Variants in STAB1 observed in about 807,000 individuals in gnomAD.
The protein encoded by STAB1 is stabilin-1.
A neutral mutation model predicts 332.4 loss-of-function variants in STAB1; 250 were observed. That is an observed-to-expected ratio of 0.75 (90% CI 0.68 to 0.84). STAB1 has a LOEUF of 0.84. Ranked by LOEUF, STAB1 falls within the 40% of genes least tolerant of loss-of-function variation. The pLI, the probability that STAB1 is intolerant of heterozygous loss-of-function variation, is 0.00. For missense variants in STAB1, 3,249 were observed against 3,489.7 expected, an observed-to-expected ratio of 0.93 and a Z score of 1.74; for synonymous variants, 1,475 against 1,390.4, an observed-to-expected ratio of 1.06 and a Z score of -1.35.
intron 19 of STAB1, 110 bp from the exon 20 acceptor site, chr3:52,507,821 G>A: frequency 6.9e-7 from 1 of 1,450,794 alleles, no homozygotes; most frequent in Non-Finnish European, 9.6e-7. Context: ...CACTGGACCA[G>A]GGTTAGAGTT....
Position 52,521,478 on chromosome 3 carries a change from G to C in STAB1, c.6026G>C (p.Cys2009Ser), listed in dbSNP as rs911526487. Residue 2009 changes from cysteine (C) to serine (S), a missense_variant, in exon 56 of 69, where the codon TGT becomes TCT. Coordinates refer to ENST00000321725, the MANE Select transcript of STAB1 (RefSeq NM_015136.3). ...SGFAGTACEL[C>S]APGAFGPHCQ... ...TTTGCTGGGACAGCCTGTGAACTCTGTGCTCCTGGTGCCTTTGGGCCCCAT... is the reference window on the plus strand; with the variant it reads ...TTTGCTGGGACAGCCTGTGAACTCTCTGCTCCTGGTGCCTTTGGGCCCCAT... The C allele has an allele frequency of 1.2e-6, 2 of 1,613,878 alleles. No individual in the cohort carries two copies. The highest frequency in any genetic ancestry group is 2.7e-5 in the African/African-American group (2 of 74,930).
Position 52,522,098 on chromosome 3 carries a change from AG to A in STAB1, c.6335del (p.Gly2112GlufsTer40). 6.2e-7 allele frequency: 1 copy of A among 1,613,140 alleles called. No individual in the cohort carries two copies. Among genetic ancestry groups the A allele is most frequent in the Non-Finnish European group, 8.5e-7 (1 of 1,179,998 alleles). On this transcript the variant is annotated frameshift_variant, in exon 59 of 69. Transcript: ENST00000321725. LOFTEE classifies it high-confidence loss of function. ...GTGAGCACGCCAACTGTAGCCAGGT[AG>A]GAACAATGGTCACTTGTACCTGCCT... ...CSEHANCSQV[G>X]TMVTCTCLPD...
intron 1 of STAB1, among the ~76,000 whole-genome samples, chr3:52,500,668 G>C (rs906948323): frequency 2.0e-5 from 3 of 152,246 alleles, no homozygotes; most frequent in Non-Finnish European, 4.4e-5. Flanking sequence ...TCCCAAGACA[G>C]CATCAGCTCT....
At position 52,509,917 on chromosome 3, in the gene STAB1, G is replaced by C. The variant is rs1709169253; in HGVS notation, c.2395G>C (p.Gly799Arg). 1.9e-6 allele frequency: 3 copies of C among 1,613,078 alleles called. No homozygotes were observed. In the East Asian group the frequency reaches 6.7e-5, roughly 36 times the overall value. ...CTGCGACAACCGCCCAGGCAGTGGGGGGGTGTGCCAGCAGGGCACGTGTGC... is the reference window on the plus strand; with the variant it reads ...CTGCGACAACCGCCCAGGCAGTGGGCGGGTGTGCCAGCAGGGCACGTGTGC... ...GLCDNRPGSG[G>R]VCQQGTCAPG... The change falls in exon 23 of 69, where the codon GGG becomes CGG. Residue 799 changes from glycine (G) to arginine (R), a missense_variant. Gly to Arg is a moderately radical substitution (Grantham distance 125). Coordinates refer to ENST00000321725, the MANE Select transcript of STAB1 (RefSeq NM_015136.3).
Position 52,516,172 on chromosome 3 carries a change from G to A in STAB1, c.4078G>A (p.Glu1360Lys), listed in dbSNP as rs1407634558. 4 of 1,612,390 alleles carry A rather than the reference G, an allele frequency of 2.5e-6. No homozygotes were observed. Among genetic ancestry groups the A allele is most frequent in the East Asian group, 4.5e-5 (2 of 44,878 alleles). ...GGGCAGCGGGGAGTGCCACTGCCAC[G>A]AGGGCTTCCATGGAACGGCCTGTGA... ...FLGSGECHCH[E>K]GFHGTACEVC... is the part of the protein sequence containing the mutation. The change falls in exon 38 of 69, where the codon GAG (glutamate) becomes AAG (lysine). Residue 1360 changes from glutamate (E) to lysine (K), a missense_variant. Transcript: ENST00000321725.
intron 25 of STAB1, 87 bp downstream of exon 25, chr3:52,510,594 T>C (rs1709227367): frequency 2.0e-6 from 3 of 1,503,140 alleles, no homozygotes; most frequent in Non-Finnish European, 2.7e-6. Flanking sequence ...CAGAGTCAGG[T>C]GCTCAGGGTC....
At chr3:52,502,538 C>A in intron 5 of STAB1, 94 bp from the exon 6 acceptor site, 1 of 1,165,378 alleles carries the variant, frequency 8.6e-7, no homozygotes, top group Non-Finnish European at 1.3e-6. Context: ...CCTGCCCGAG[C>A]TGAGTTCTAA....
At position 52,520,306 on chromosome 3, in the gene STAB1, G is replaced by C. The variant is rs770735759; in HGVS notation, c.5499+16G>C. On this transcript the variant is annotated intron_variant, in intron 52 of 68. Transcript: ENST00000321725. ...AACGCGGGCCGTGAGTCTGGGGAGA[G>C]GGCTTGGATGAAGGGAGTAGGAGGC... 2.5e-5 allele frequency: 41 copies of C among 1,612,894 alleles called. No homozygotes were observed. The Admixed American group carries it at 5.3e-4, about 21-fold the overall frequency.
At chr3:52,506,383 G>A in intron 17 of STAB1, 133 bp downstream of exon 17, 2 of 859,148 alleles carry the variant, frequency 2.3e-6, no homozygotes, top group Non-Finnish European at 3.8e-6. Flanking sequence ...TCATGGGGAA[G>A]GAAGCAGGCA....
Position 52,520,923 on chromosome 3 carries a change from G to GGGCA in STAB1, c.5829_5832dup (p.Gly1945GlnfsTer24). ...GCCTTTGGGGTAGGCCCCAAGGCCT[G>GGGCA]GGCAGGGGCTGCCACCGCAATTGTG... On this transcript the variant is annotated frameshift_variant, in exon 55 of 69. Transcript: ENST00000321725. LOFTEE classifies it high-confidence loss of function. 6.3e-7 allele frequency: 1 copy of GGGCA among 1,598,094 alleles called. No homozygotes were observed. Among genetic ancestry groups the GGGCA allele is most frequent in the Non-Finnish European group, 8.5e-7 (1 of 1,172,210 alleles).
At chr3:52,504,298 G>T (rs1022071818) in intron 10 of STAB1, 143 bp downstream of exon 10, 1 of 1,441,546 alleles carries the variant, frequency 6.9e-7, no homozygotes, top group Non-Finnish European at 9.3e-7. Flanking sequence ...GTGCATGCAG[G>T]GGGTGGGAGC....
intron 37 of STAB1, among the ~76,000 whole-genome samples, chr3:52,515,806 A>G (rs1441744759): frequency 2.0e-5 from 3 of 152,066 alleles, no homozygotes; most frequent in African/African-American, 7.2e-5. Flanking sequence ...TTGGCCCCTC[A>G]CTGTGGGATC....
In STAB1 at chr3:52,520,232, G is replaced by A. The variant is rs1370498923; in HGVS notation, c.5441G>A (p.Gly1814Asp). 6 of 1,613,118 alleles carry A rather than the reference G, an allele frequency of 3.7e-6. No individual in the cohort carries two copies. The highest frequency in any genetic ancestry group is 5.1e-6 in the Non-Finnish European group (6 of 1,180,034). Residue 1814 changes from glycine to aspartate, a missense_variant, in exon 52 of 69, where the codon GGC (glycine) becomes GAC (aspartate). By Grantham distance (94) the Gly-to-Asp change is moderately conservative. Transcript: ENST00000321725. Reference sequence around the variant, plus strand: ...TTGGCATCTGACCTGCCCAACCTGGGCCCACTTCGAACCATGCATGGGACC... The same window carrying A: ...TTGGCATCTGACCTGCCCAACCTGGACCCACTTCGAACCATGCATGGGACC... ...EALASDLPNL[G>D]PLRTMHGTPI...
chr3:52,524,085 C>A lies in STAB1; in HGVS notation c.7543-15C>A, dbSNP rs761414695. 5 of 1,613,300 alleles carry A rather than the reference C, an allele frequency of 3.1e-6. No individual in the cohort carries two copies. In the Admixed American group the frequency reaches 8.3e-5, roughly 27 times the overall value. On this transcript the variant is annotated splice_polypyrimidine_tract_variant and intron_variant, in intron 67 of 68. Coordinates refer to ENST00000321725, the MANE Select transcript of STAB1 (RefSeq NM_015136.3). Reference sequence around the variant, plus strand: ...GCTTGAGGCGCCTCGCCACTCACCCCTCTGCTGCTCCCAGGCGGAAGATGA... The same window carrying A: ...GCTTGAGGCGCCTCGCCACTCACCCATCTGCTGCTCCCAGGCGGAAGATGA...
chr3:52,521,668 G>A lies in STAB1; in HGVS notation c.6131G>A (p.Gly2044Asp), dbSNP rs745641812. 16 of 1,612,886 alleles carry A rather than the reference G, an allele frequency of 9.9e-6. No homozygotes were observed. The highest frequency in any genetic ancestry group is 3.3e-5 in the Admixed American group (2 of 59,946). Residue 2044 changes from glycine to aspartate, a missense_variant, in exon 57 of 69, where the codon GGC becomes GAC. Coordinates refer to ENST00000321725, the MANE Select transcript of STAB1 (RefSeq NM_015136.3). ...GGSGSCFCDE[G>D]WTGPRCEVQL... The stretch of plus-strand genomic sequence containing the variant: ...TCTGGCTCCTGCTTCTGTGATGAAG[G>A]CTGGACTGGGCCACGCTGTGAGGTG...
At chr3:52,513,052 G>A in intron 29 of STAB1, 78 bp from the exon 30 acceptor site, 6 of 1,557,486 alleles carry the variant, frequency 3.9e-6, no homozygotes, top group Admixed American at 2.0e-5. Context: ...CTCACCCCTT[G>A]GGGTGGGCCC....
At chr3:52,503,192 T>C (rs1188902107) in intron 7 of STAB1, 83 bp downstream of exon 7, 17 of 1,505,346 alleles carry the variant, frequency 1.1e-5, no homozygotes, top group Non-Finnish European at 1.4e-5. Flanking sequence ...GCAAGTGCAA[T>C]GTAATTCACA....
chr3:52,518,294 T>TG lies in STAB1; in HGVS notation c.4762-17dup. 6.2e-7 allele frequency: 1 copy of TG among 1,612,334 alleles called. No homozygotes were observed. On this transcript the variant is annotated splice_polypyrimidine_tract_variant and intron_variant, in intron 45 of 68. Transcript: ENST00000321725. Reference sequence around the variant, plus strand: ...AATGGGGGCCGCCCCAAATCTGAGCTGACCCTCGCCCCCCCAGGAGCTCCT... The same window carrying TG: ...AATGGGGGCCGCCCCAAATCTGAGCTGGACCCTCGCCCCCCCAGGAGCTCCT...
In STAB1 at chr3:52,516,430, C is replaced by T; in HGVS notation, c.4219C>T (p.Gln1407Ter). ...AAGCTGTGTCTGTAACGTGGGCTGGCAGGGCCTCCGCTGTGACCAGAGTGA... is the reference window on the plus strand; with the variant it reads ...AAGCTGTGTCTGTAACGTGGGCTGGTAGGGCCTCCGCTGTGACCAGAGTGA... ...DGSCVCNVGW[Q>*]GLRCDQKITS... The change falls in exon 39 of 69, where the codon CAG becomes TAG. Residue 1407 changes from glutamine to a stop codon, truncating the protein, a stop_gained. Transcript: ENST00000321725. LOFTEE classifies it high-confidence loss of function. The T allele has an allele frequency of 1.9e-6, 3 of 1,612,138 alleles. No individual in the cohort carries two copies. The highest frequency in any genetic ancestry group is 2.5e-6 in the Non-Finnish European group (3 of 1,178,808).
Sources: gnomAD v4.1 joint callset for allele counts (sites outside exome capture counted in the v4.1 genomes callset) on GRCh38, gnomAD v4.1.1 for gene constraint, MANE v1.5 for transcripts, NCBI Gene and HGNC (gene_info 2026-07-23, HGNC 2026-07-21) for gene names.